The following SLC35F3 variants were observed in gnomAD, a reference collection of about 807,000 sequenced individuals.
SLC35F3 encodes putative thiamine transporter SLC35F3.
Under a neutral mutation model 49.9 loss-of-function variants are expected in SLC35F3, and 25 were observed. That is an observed-to-expected ratio of 0.50 (90% CI 0.37 to 0.70). The LOEUF (loss-of-function observed/expected upper bound fraction) is 0.70, where lower values mean the gene tolerates loss of function less well. Ranked by LOEUF, SLC35F3 falls within the 30% of genes least tolerant of loss-of-function variation. The probability of loss-of-function intolerance (pLI) is 0.00; values close to 1 mark genes in which losing one functional copy is unlikely to be tolerated. For missense variants in SLC35F3, 525 were observed against 639.8 expected, an observed-to-expected ratio of 0.82 and a Z score of 1.94; for synonymous variants, 275 against 265.4, an observed-to-expected ratio of 1.04 and a Z score of -0.35.
intron 2 of SLC35F3, among the ~76,000 whole-genome samples, chr1:234,148,911 C>T (rs965357137): frequency 5.3e-5 from 8 of 152,128 alleles, no homozygotes; most frequent in Non-Finnish European, 8.8e-5. Context: ...AGACTGGTGC[C>T]ATTTCCTGTG....
intron 2 of SLC35F3, among the ~76,000 whole-genome samples, chr1:233,959,256 T>A (rs1159761325): frequency 2.1e-5 from 3 of 145,202 alleles, no homozygotes; most frequent in Non-Finnish European, 4.6e-5. Flanking sequence ...TTTTTTTTTT[T>A]AAAGGAGGCA....
intron 2 of SLC35F3, among the ~76,000 whole-genome samples, chr1:234,173,148 C>T (rs1666426382): frequency 1.3e-5 from 2 of 152,198 alleles, no homozygotes; most frequent in Admixed American, 1.3e-4. Context: ...AGTCATTGTC[C>T]AGCATTTCAC....
chr1:233,943,897 G>A (rs556936441), intron 2 of SLC35F3, among the ~76,000 whole-genome samples: 1 of 152,244 alleles, frequency 6.6e-6, no homozygotes, highest in East Asian at 1.9e-4. Flanking sequence ...CTTCTTTGAG[G>A]TTTCCTTACA....
chr1:233,930,517 G>A (rs1248809273), intron 2 of SLC35F3, among the ~76,000 whole-genome samples: 1 of 152,228 alleles, frequency 6.6e-6, no homozygotes, highest in Non-Finnish European at 1.5e-5. Context: ...ATTGAAGTTT[G>A]TGAACTTTGA....
chr1:234,111,967 G>A (rs941468537), intron 2 of SLC35F3, among the ~76,000 whole-genome samples: 3 of 152,114 alleles, frequency 2.0e-5, no homozygotes, highest in African/African-American at 4.8e-5. Context: ...CCTCCGAGTG[G>A]AGCAGCCTGA....
intron 2 of SLC35F3, among the ~76,000 whole-genome samples, chr1:234,097,129 T>C (rs557257378): frequency 6.6e-6 from 1 of 152,274 alleles, no homozygotes; most frequent in South Asian, 2.1e-4. Flanking sequence ...CCTCAGGTGA[T>C]CTGCCCACCT....
intron 2 of SLC35F3, among the ~76,000 whole-genome samples, chr1:233,922,505 T>C (rs1457017813): frequency 8.0e-4 from 96 of 120,714 alleles, no homozygotes; most frequent in South Asian, 3.7e-3. Context: ...TTTTTTTTTT[T>C]CTTGTAAATT....
At chr1:233,932,575 A>G (rs747414889) in intron 2 of SLC35F3, among the ~76,000 whole-genome samples, 8 of 152,266 alleles carry the variant, frequency 5.3e-5, no homozygotes, top group East Asian at 3.9e-4. Flanking sequence ...TGTGTATGTA[A>G]AAGGGTATGC....
At chr1:233,993,525 C>CA (rs1663400791) in intron 2 of SLC35F3, among the ~76,000 whole-genome samples, 1 of 152,152 alleles carries the variant, frequency 6.6e-6, no homozygotes, top group Non-Finnish European at 1.5e-5. Flanking sequence ...ATACAACTAG[C>CA]CTTTCTTAGG....
intron 2 of SLC35F3, among the ~76,000 whole-genome samples, chr1:234,091,320 A>C (rs1665041544): frequency 6.6e-6 from 1 of 152,182 alleles, no homozygotes; most frequent in Non-Finnish European, 1.5e-5. Flanking sequence ...CAGTCCTTTA[A>C]TGGACAAAAA....
At chr1:233,953,913 A>G (rs1662650770) in intron 2 of SLC35F3, among the ~76,000 whole-genome samples, 1 of 152,218 alleles carries the variant, frequency 6.6e-6, no homozygotes, top group South Asian at 2.1e-4. Context: ...TGCATTTCTG[A>G]AAAGAGCACT....
At chr1:234,148,033 G>A (rs945474687) in intron 2 of SLC35F3, among the ~76,000 whole-genome samples, 4 of 152,224 alleles carry the variant, frequency 2.6e-5, no homozygotes, top group African/African-American at 9.6e-5. Flanking sequence ...AAGAAGGGGA[G>A]AGAAAGAGAG....
intron 2 of SLC35F3, among the ~76,000 whole-genome samples, chr1:234,030,516 C>T (rs1419095557): frequency 6.6e-6 from 1 of 152,116 alleles, no homozygotes; most frequent in Non-Finnish European, 1.5e-5. Context: ...TTGATTAGGG[C>T]CAGTTGATTA....
chr1:234,269,134 A>G (rs1668058123), intron 3 of SLC35F3, among the ~76,000 whole-genome samples: 1 of 152,186 alleles, frequency 6.6e-6, no homozygotes, highest in Non-Finnish European at 1.5e-5. Context: ...TGTAGTGTAA[A>G]TATTTTTACA....
At chr1:234,013,925 T>C (rs557499138) in intron 2 of SLC35F3, among the ~76,000 whole-genome samples, 3 of 151,484 alleles carry the variant, frequency 2.0e-5, no homozygotes, top group Admixed American at 1.3e-4. Flanking sequence ...ATAATACCAA[T>C]CTTTCTTAAA....
intron 2 of SLC35F3, among the ~76,000 whole-genome samples, chr1:234,224,573 G>A (rs1046880403): frequency 6.6e-6 from 1 of 152,196 alleles, no homozygotes; most frequent in Non-Finnish European, 1.5e-5. Context: ...CATACCTGAA[G>A]TCCCTCTTTA....
At chr1:234,189,994 T>G (rs2102928445) in intron 2 of SLC35F3, among the ~76,000 whole-genome samples, 1 of 152,308 alleles carries the variant, frequency 6.6e-6, no homozygotes. Flanking sequence ...GGAAAGATAG[T>G]CTTTTTCAGA....
chr1:234,108,777 TATATATAAAAGATATATATATTTA>T (rs1665351245), intron 2 of SLC35F3, among the ~76,000 whole-genome samples: 1 of 91,360 alleles, frequency 1.1e-5, no homozygotes, highest in Non-Finnish European at 1.9e-5. Context: ...ATATATCTTT[TATATATAAAAGATATATATATTTA>T]TATATATATA....
intron 2 of SLC35F3, among the ~76,000 whole-genome samples, chr1:233,947,682 A>G (rs1366093668): frequency 2.7e-5 from 4 of 150,514 alleles, no homozygotes; most frequent in Admixed American, 6.6e-5. Flanking sequence ...TATGGGAACC[A>G]GGATGATCTG....
Sources: gnomAD v4.1 joint callset for allele counts (sites outside exome capture counted in the v4.1 genomes callset) on GRCh38, gnomAD v4.1.1 for gene constraint, MANE v1.5 for transcripts, NCBI Gene and HGNC (gene_info 2026-07-23, HGNC 2026-07-21) for gene names.